The following ADGRB3 variants were observed in gnomAD, a reference collection of about 807,000 sequenced individuals.
ADGRB3 encodes the protein brain-specific angiogenesis inhibitor 3.
ADGRB3 carries 37 observed loss-of-function variants against 193.4 expected under a neutral mutation model. That is an observed-to-expected ratio of 0.19 (90% CI 0.15 to 0.25). The LOEUF (loss-of-function observed/expected upper bound fraction) is 0.25, where lower values mean the gene tolerates loss of function less well. Ranked by LOEUF, ADGRB3 falls within the 10% of genes least tolerant of loss-of-function variation. The pLI is 1.00. For synonymous variants in ADGRB3, 690 were observed against 644.2 expected, an observed-to-expected ratio of 1.07 and a Z score of -1.08; for missense variants, 1,637 against 1,852.9, an observed-to-expected ratio of 0.88 and a Z score of 2.14.
intron 8 of ADGRB3, among the ~76,000 whole-genome samples, chr6:68,964,056 G>T (rs563803934): frequency 2.6e-5 from 4 of 152,054 alleles, no homozygotes; most frequent in Non-Finnish European, 5.9e-5. Flanking sequence ...TGACTCTGAT[G>T]TTAGTGTCTT....
intron 13 of ADGRB3, among the ~76,000 whole-genome samples, chr6:69,046,409 C>T (rs1481168556): frequency 1.3e-5 from 2 of 152,140 alleles, no homozygotes; most frequent in Non-Finnish European, 2.9e-5. Flanking sequence ...CTGACCTGCT[C>T]ATCTATATAC....
intron 20 of ADGRB3, among the ~76,000 whole-genome samples, chr6:69,268,821 T>C (rs1188229216): frequency 6.6e-6 from 1 of 152,046 alleles, no homozygotes; most frequent in African/African-American, 2.4e-5. Context: ...GCTGGCCGGG[T>C]CTAGGGGCAG....
At chr6:68,974,630 A>G (rs1204160779) in intron 8 of ADGRB3, 133 bp from the exon 9 acceptor site, 6 of 636,072 alleles carry the variant, frequency 9.4e-6, no homozygotes, top group Non-Finnish European at 1.3e-5. Flanking sequence ...GTGAGACCCC[A>G]TCTCTAAAAA....
intron 10 of ADGRB3, among the ~76,000 whole-genome samples, chr6:68,985,773 C>T (rs1769052646): frequency 6.6e-6 from 1 of 152,022 alleles, no homozygotes; most frequent in African/African-American, 2.4e-5. Context: ...ATAATCTATC[C>T]TATTCTGACT....
chr6:68,976,673 ATAAAT>A (rs1197274539), intron 10 of ADGRB3, among the ~76,000 whole-genome samples: 4 of 152,218 alleles, frequency 2.6e-5, no homozygotes, highest in African/African-American at 9.6e-5. Context: ...CATAAAGAAG[ATAAAT>A]TATATTTGCT....
At chr6:69,296,908 A>C (rs1767831652) in intron 20 of ADGRB3, among the ~76,000 whole-genome samples, 1 of 152,068 alleles carries the variant, frequency 6.6e-6, no homozygotes, top group African/African-American at 2.4e-5. Flanking sequence ...CTGCTTTTCT[A>C]GGAGGAAACT....
chr6:68,918,137 GC>G (rs1395337756), intron 3 of ADGRB3, among the ~76,000 whole-genome samples: 2 of 152,098 alleles, frequency 1.3e-5, no homozygotes, highest in African/African-American at 4.8e-5. Flanking sequence ...CTTCAGAGAA[GC>G]AAAATTGTAA....
intron 17 of ADGRB3, among the ~76,000 whole-genome samples, chr6:69,097,052 A>C (rs763188212): frequency 6.6e-6 from 1 of 152,258 alleles, no homozygotes; most frequent in Non-Finnish European, 1.5e-5. Flanking sequence ...AAAAGAGGAC[A>C]TTAAGAAAGA....
intron 20 of ADGRB3, among the ~76,000 whole-genome samples, chr6:69,278,347 T>C (rs972749888): frequency 1.3e-5 from 2 of 152,254 alleles, no homozygotes; most frequent in African/African-American, 2.4e-5. Context: ...TAAAAAATGT[T>C]AATTATAAGA....
At chr6:69,110,532 A>G (rs1298868302) in intron 17 of ADGRB3, among the ~76,000 whole-genome samples, 1 of 152,192 alleles carries the variant, frequency 6.6e-6, no homozygotes, top group Non-Finnish European at 1.5e-5. Flanking sequence ...ATTAATTGTT[A>G]TAGAATTTAT....
At chr6:69,300,262 T>A (rs567612562) in intron 20 of ADGRB3, among the ~76,000 whole-genome samples, 55 of 151,820 alleles carry the variant, frequency 3.6e-4, no homozygotes, top group African/African-American at 1.1e-3. Context: ...TTAATGAAAT[T>A]AAACATTCCG....
chr6:69,308,554 C>T (rs553949720), intron 20 of ADGRB3, among the ~76,000 whole-genome samples: 1 of 151,758 alleles, frequency 6.6e-6, no homozygotes, highest in African/African-American at 2.4e-5. Flanking sequence ...TAATATGTGT[C>T]TGTCTTCTGT....
intron 3 of ADGRB3, among the ~76,000 whole-genome samples, chr6:68,814,025 A>G (rs1008079597): frequency 5.3e-5 from 8 of 152,162 alleles, no homozygotes; most frequent in Non-Finnish European, 8.8e-5. Flanking sequence ...CTACGTGTGC[A>G]TGTGTCTTTA....
At chr6:69,075,366 A>G (rs1305888698) in intron 16 of ADGRB3, among the ~76,000 whole-genome samples, 3 of 152,214 alleles carry the variant, frequency 2.0e-5, no homozygotes, top group African/African-American at 7.2e-5. Flanking sequence ...TGAAAAATCC[A>G]TGGTGTTATC....
intron 12 of ADGRB3, 148 bp downstream of exon 12, chr6:69,014,254 A>G (rs1770025570): frequency 5.4e-6 from 3 of 552,174 alleles, no homozygotes; most frequent in African/African-American, 1.9e-5. Flanking sequence ...GAAACAAATG[A>G]TCGTTACCAT....
intron 17 of ADGRB3, among the ~76,000 whole-genome samples, chr6:69,204,749 CT>C (rs1208437936): frequency 3.9e-5 from 6 of 151,958 alleles, no homozygotes; most frequent in African/African-American, 9.7e-5. Context: ...TTGTTGGGTT[CT>C]TTTTTTCTTT....
intron 3 of ADGRB3, among the ~76,000 whole-genome samples, chr6:68,845,946 G>A (rs1290534816): frequency 6.6e-6 from 1 of 152,174 alleles, no homozygotes; most frequent in Non-Finnish European, 1.5e-5. Context: ...ACAGGAAAAT[G>A]TGGGAAAGTT....
chr6:68,952,885 C>T (rs73747873), intron 6 of ADGRB3, among the ~76,000 whole-genome samples: 2,484 of 152,176 alleles, frequency 0.016, 71 homozygotes, highest in African/African-American at 0.056. Flanking sequence ...TATTAACACT[C>T]TTAAGCTTTA....
chr6:68,677,397 T>G (rs1769119025), intron 3 of ADGRB3, among the ~76,000 whole-genome samples: 1 of 152,204 alleles, frequency 6.6e-6, no homozygotes, highest in Admixed American at 6.5e-5. Flanking sequence ...AATCTGCTTC[T>G]TGGGATCTCA....
Sources: gnomAD v4.1 joint callset for allele counts (sites outside exome capture counted in the v4.1 genomes callset) on GRCh38, gnomAD v4.1.1 for gene constraint, MANE v1.5 for transcripts, NCBI Gene and HGNC (gene_info 2026-07-23, HGNC 2026-07-21) for gene names.